DDX10: variants seen among roughly 807,000 people sequenced by gnomAD.
DDX10 encodes DEAD-box helicase 10, also known as probable ATP-dependent RNA helicase DDX10.
A neutral mutation model predicts 104.3 loss-of-function variants in DDX10; 74 were observed. The observed-to-expected ratio is 0.71, with a 90% confidence interval of 0.59 to 0.86. The LOEUF (loss-of-function observed/expected upper bound fraction) is 0.86. DDX10 is among the 40% of genes least tolerant of loss of function. The pLI is 0.00. For missense variants in DDX10, 952 were observed against 1,040.0 expected, an observed-to-expected ratio of 0.92 and a Z score of 1.16; for synonymous variants, 351 against 353.4, an observed-to-expected ratio of 0.99 and a Z score of 0.08.
At chr11:108,879,968 G>A (rs1393935668) in intron 16 of DDX10, among the ~76,000 whole-genome samples, 4 of 152,040 alleles carry the variant, frequency 2.6e-5, no homozygotes, top group Non-Finnish European at 5.9e-5. Context: ...GTAACTAAAG[G>A]CAATTTCCTA....
intron 15 of DDX10, among the ~76,000 whole-genome samples, chr11:108,842,804 A>C (rs1273101713): frequency 6.6e-6 from 1 of 152,206 alleles, no homozygotes; most frequent in Non-Finnish European, 1.5e-5. Context: ...TTCAGCTTGC[A>C]ATCTACTTAG....
Position 108,677,144 on chromosome 11 carries a change from A to G in DDX10, c.438A>G (p.Ile146Met). 6.2e-7 allele frequency: 1 copy of G among 1,613,838 alleles called. No homozygotes were observed. Among genetic ancestry groups the G allele is most frequent in the Non-Finnish European group, 8.5e-7 (1 of 1,179,906 alleles). The change falls in exon 4 of 18, where the codon ATA becomes ATG. Residue 146 changes from isoleucine (I) to methionine (M), a missense_variant. Physicochemically the swap from Ile to Met is conservative, Grantham distance 10 (BLOSUM62 1). This residue lies in a region of DDX10 where 412 missense variants were observed against 479.2 expected (regional missense o/e 0.86). Coordinates refer to ENST00000322536, the MANE Select transcript of DDX10 (RefSeq NM_004398.4). The stretch of plus-strand genomic sequence containing the variant: ...CAACAGATGGGCTGGGGGTTCTCAT[A>G]ATATCACCTACGAGAGAACTGGCCT... ...WTSTDGLGVL[I>M]ISPTRELAYQ...
intron 17 of DDX10, among the ~76,000 whole-genome samples, chr11:108,927,173 G>C (rs953302344): frequency 6.6e-6 from 1 of 152,188 alleles, no homozygotes; most frequent in African/African-American, 2.4e-5. Flanking sequence ...GAAAAAGCAA[G>C]AGATTGAAAA....
At chr11:108,939,793 G>A (rs1864082931) in intron 17 of DDX10, among the ~76,000 whole-genome samples, 1 of 152,142 alleles carries the variant, frequency 6.6e-6, no homozygotes, top group Admixed American at 6.5e-5. Context: ...TCTATTTTAT[G>A]CATGTTCTCT....
chr11:108,806,141 T>G (rs1458947599), intron 13 of DDX10, among the ~76,000 whole-genome samples: 1 of 152,082 alleles, frequency 6.6e-6, no homozygotes, highest in Non-Finnish European at 1.5e-5. Flanking sequence ...TTTTTTATTT[T>G]TAGTAGAGAC....
In DDX10 at chr11:108,713,507, G is replaced by A. The variant is rs548989622; in HGVS notation, c.1323-2372G>A. ...TTTTTGTTCTCTCGCATTTCTTTTC[G>A]GTTCTTTCTTAGGATTTCCATCTTA... On this transcript the variant is annotated intron_variant, in intron 10 of 17. Coordinates refer to ENST00000322536, the MANE Select transcript of DDX10 (RefSeq NM_004398.4). 5.9e-5 allele frequency among the ~76,000 whole-genome samples: 9 copies of A among 151,910 alleles called. No individual in the cohort carries two copies. In the East Asian group the frequency reaches 1.2e-3, roughly 20 times the overall value.
intron 13 of DDX10, among the ~76,000 whole-genome samples, chr11:108,735,438 A>C (rs77985993): frequency 0.011 from 1,707 of 152,236 alleles, 33 homozygotes; most frequent in African/African-American, 0.039. Context: ...AGGGGGATAT[A>C]GAATTCAGGG....
chr11:108,838,128 A>G, intron 13 of DDX10, among the ~76,000 whole-genome samples: 1 of 150,900 alleles, frequency 6.6e-6, no homozygotes, highest in East Asian at 1.9e-4. Context: ...AGCTTTATTT[A>G]TCTTATGCCC....
intron 9 of DDX10, among the ~76,000 whole-genome samples, chr11:108,698,332 A>G (rs1179436107): frequency 6.6e-6 from 1 of 152,248 alleles, no homozygotes; most frequent in South Asian, 2.1e-4. Context: ...GATATAAGAT[A>G]GGAGCAATCT....
At chr11:108,681,071 C>T (rs12800726) in intron 6 of DDX10, among the ~76,000 whole-genome samples, 20,783 of 152,062 alleles carry the variant, frequency 0.14, 1,560 homozygotes, top group East Asian at 0.25. Flanking sequence ...TAGGATTTTT[C>T]ACTTTTCTCT....
intron 1 of DDX10, among the ~76,000 whole-genome samples, chr11:108,665,873 C>T (rs1162452777): frequency 6.6e-6 from 1 of 152,188 alleles, no homozygotes; most frequent in Non-Finnish European, 1.5e-5. Context: ...CCCTCAACAT[C>T]ATCTATGCTC....
intron 13 of DDX10, among the ~76,000 whole-genome samples, chr11:108,800,753 T>G (rs1862010161): frequency 2.0e-5 from 3 of 152,226 alleles, no homozygotes; most frequent in Admixed American, 2.0e-4. Flanking sequence ...AACAATTTAT[T>G]TGAATAGTAT....
rs79382654 is a variant in DDX10, at chr11:108,857,403, G to A, written c.2304+5194G>A. Reference sequence around the variant, plus strand: ...ATGTGTAAAAGGTTACCCCTTTCATGAAGATTTTTCTGACTCTCTCACATA... The same window carrying A: ...ATGTGTAAAAGGTTACCCCTTTCATAAAGATTTTTCTGACTCTCTCACATA... On this transcript the variant is annotated intron_variant, in intron 16 of 17. Coordinates refer to ENST00000322536, the MANE Select transcript of DDX10 (RefSeq NM_004398.4). Among the ~76,000 whole-genome samples the A allele has an allele frequency of 1.5e-3, 227 of 152,262 alleles. 1 individual carries two copies. In the East Asian group the frequency reaches 0.04, roughly 27 times the overall value.
At chr11:108,694,981 C>T (rs2094257749) in intron 9 of DDX10, among the ~76,000 whole-genome samples, 2 of 152,016 alleles carry the variant, frequency 1.3e-5, no homozygotes, top group Non-Finnish European at 1.5e-5. Flanking sequence ...AAAAGGATTA[C>T]ACAATCTGTC....
chr11:108,730,849 G>GTT (rs66875438), intron 13 of DDX10, among the ~76,000 whole-genome samples: 4,873 of 148,724 alleles, frequency 0.033, 264 homozygotes, highest in African/African-American at 0.11. Flanking sequence ...GTACCTGCAT[G>GTT]TTTTTTTTTT....
At chr11:108,733,240 C>T (rs1161479078) in intron 13 of DDX10, among the ~76,000 whole-genome samples, 1 of 151,742 alleles carries the variant, frequency 6.6e-6, no homozygotes, top group Non-Finnish European at 1.5e-5. Flanking sequence ...AGTTCCAAAT[C>T]AAGATTCTCC....
At chr11:108,765,773 A>G (rs945608646) in intron 13 of DDX10, among the ~76,000 whole-genome samples, 1 of 152,240 alleles carries the variant, frequency 6.6e-6, no homozygotes, top group Non-Finnish European at 1.5e-5. Context: ...CAGCAATTCA[A>G]CAATCATTTA....
At position 108,900,217 on chromosome 11, in the gene DDX10, A is replaced by T. The variant is rs1288695920; in HGVS notation, c.2305-17656A>T. Among the ~76,000 whole-genome samples, 3 of 152,122 alleles carry T rather than the reference A, an allele frequency of 2.0e-5. No homozygotes were observed. The East Asian group carries it at 5.8e-4, about 29-fold the overall frequency. On this transcript the variant is annotated intron_variant, in intron 16 of 17. Transcript: ENST00000322536. ...TTCCACTGCGATTGTAAGCTTCCTG[A>T]GACCTCACTAGTGTGATGCTTCTTG...
chr11:108,689,794 C>A (rs1450342236), intron 7 of DDX10, among the ~76,000 whole-genome samples: 1 of 152,170 alleles, frequency 6.6e-6, no homozygotes. Context: ...TGTAGTAGAT[C>A]AATTCTAGAT....
Sources: allele counts gnomAD v4.1 joint callset (sites outside exome capture counted in the v4.1 genomes callset), GRCh38; gene constraint gnomAD v4.1.1; regional missense constraint gnomAD v4.1.1; transcripts MANE v1.5; gene names NCBI Gene and HGNC (gene_info 2026-07-23, HGNC 2026-07-21).